The following F10 variants were observed in gnomAD, a reference collection of about 807,000 sequenced individuals.
The protein encoded by F10 is Stuart-Prower factor.
F10 carries 29 observed loss-of-function variants against 37.1 expected under a neutral mutation model. The observed-to-expected ratio is 0.78, with a 90% CI of 0.58 to 1.07. The LOEUF (loss-of-function observed/expected upper bound fraction) is 1.07. F10 is among the 50% of genes least tolerant of loss of function. The pLI, the probability that F10 is intolerant of heterozygous loss-of-function variation, is 0.00. For missense variants in F10, 539 were observed against 667.9 expected (o/e 0.81, Z 2.13); for synonymous variants, 262 against 268.6 (o/e 0.98, Z 0.24).
chr13:113,144,173 A>C lies in F10; in HGVS notation c.747+78A>C. Reference sequence around the variant, plus strand: ...TGCACCTCGGGGAGGCCAGCCTGACACTTGGAATAGCAATCCGGGAAGGAA... The same window carrying C: ...TGCACCTCGGGGAGGCCAGCCTGACCCTTGGAATAGCAATCCGGGAAGGAA... On this transcript the variant is annotated intron_variant, in intron 6 of 7. Transcript: ENST00000375559. This position sits in a 1 kb window ranked among gnomAD's most constrained non-coding sequence, Gnocchi z 6.4. 6.3e-7 allele frequency: 1 copy of C among 1,599,750 alleles called. No homozygotes were observed.
intron 2 of F10, among the ~76,000 whole-genome samples, chr13:113,136,435 T>A (rs973037522): frequency 2.0e-5 from 3 of 151,348 alleles, no homozygotes; most frequent in Non-Finnish European, 4.4e-5. Context: ...TAAATGTCTA[T>A]AGCAACTCTA....
chr13:113,144,571 G>A lies in F10; in HGVS notation c.747+476G>A, dbSNP rs563198814. 2.0e-4 allele frequency among the ~76,000 whole-genome samples: 30 copies of A among 152,344 alleles called. 1 individual carries two copies. The highest frequency in any genetic ancestry group is 1.4e-3 in the South Asian group (7 of 4,828). On this transcript the variant is annotated intron_variant, in intron 6 of 7. Coordinates refer to ENST00000375559, the MANE Select transcript of F10 (RefSeq NM_000504.4). This position sits in a 1 kb window ranked among gnomAD's most constrained non-coding sequence, Gnocchi z 6.4. ...GCCTCCATCTGCTCTTCTGTTTGAC[G>A]GGAGGCAGAAAGAGTTGGTGTCCTC...
In F10 at chr13:113,144,306, T is replaced by G; in HGVS notation, c.747+211T>G. ...AGCTCCACAGGGAAGTGGCCGGGGC[T>G]GAGGGAGAGGCTGGGCCCAGGCAAC... On this transcript the variant is annotated intron_variant, in intron 6 of 7. Coordinates refer to ENST00000375559, the MANE Select transcript of F10 (RefSeq NM_000504.4). This position sits in a 1 kb window ranked among gnomAD's most constrained non-coding sequence, Gnocchi z 6.4. The G allele has an allele frequency of 1.4e-6, 1 of 702,648 alleles. No individual in the cohort carries two copies. The highest frequency in any genetic ancestry group is 2.4e-6 in the Non-Finnish European group (1 of 424,640). The allele number at this position is 702,648 out of a possible 1,614,324, so 43.5% of individuals were successfully genotyped here.
At chr13:113,126,995 G>A (rs946938976) in intron 1 of F10, among the ~76,000 whole-genome samples, 2 of 152,208 alleles carry the variant, frequency 1.3e-5, no homozygotes, top group Non-Finnish European at 2.9e-5. Context: ...ATGGGGCAGG[G>A]TCAAGAAATA....
Position 113,143,159 on chromosome 13 carries a change from T to TC in F10, c.503-686dup, listed in dbSNP as rs557789374. Among the ~76,000 whole-genome samples, 21 of 140,520 alleles carry TC rather than the reference T, an allele frequency of 1.5e-4. 1 individual carries two copies. In the East Asian group the frequency reaches 4.0e-3, roughly 27 times the overall value. 92.2% of individuals were successfully genotyped at this position (140,520 alleles called of 152,430 possible). On this transcript the variant is annotated intron_variant, in intron 5 of 7. Coordinates refer to ENST00000375559, the MANE Select transcript of F10 (RefSeq NM_000504.4). This position sits in a 1 kb window ranked among gnomAD's most constrained non-coding sequence, Gnocchi z 6.8. The stretch of plus-strand genomic sequence containing the variant: ...CACAGAGAAGCCCCTTGCCATCCAT[T>TC]CCCCCCTCCTCTCCTCTCCTGCTCC...
intron 2 of F10, among the ~76,000 whole-genome samples, chr13:113,134,328 C>T (rs1413745784): frequency 1.3e-5 from 2 of 152,294 alleles, no homozygotes; most frequent in East Asian, 3.9e-4. Context: ...CTACCCGAGA[C>T]TGGGTAATTT....
intron 2 of F10, chr13:113,130,047 A>G (rs2036415701): frequency 1.3e-5 from 4 of 315,130 alleles, no homozygotes; most frequent in Non-Finnish European, 2.5e-5. Context: ...CTAGAGCGCC[A>G]GCGCGCAGGC....
intron 2 of F10, among the ~76,000 whole-genome samples, chr13:113,137,076 C>T (rs1340212027): frequency 2.6e-5 from 4 of 152,218 alleles, no homozygotes; most frequent in Non-Finnish European, 4.4e-5. Context: ...TGAGGCACCA[C>T]GCCTGGCCAG....
intron 5 of F10, among the ~76,000 whole-genome samples, chr13:113,142,280 G>A (rs1028632550): frequency 1.3e-5 from 2 of 152,142 alleles, no homozygotes; most frequent in Non-Finnish European, 2.9e-5. Context: ...AGTAGCTCAT[G>A]CCTGTAATCC....
chr13:113,127,608 C>T (rs941836366), intron 1 of F10, among the ~76,000 whole-genome samples: 2 of 152,216 alleles, frequency 1.3e-5, no homozygotes, highest in Non-Finnish European at 2.9e-5. Context: ...TTTTAACCAG[C>T]AGATCAAGAC....
At chr13:113,125,664 T>C (rs915238263) in intron 1 of F10, among the ~76,000 whole-genome samples, 1 of 152,280 alleles carries the variant, frequency 6.6e-6, no homozygotes, top group African/African-American at 2.4e-5. Context: ...TCAGTCTGAC[T>C]GAAGCGTTGA....
At chr13:113,129,310 A>G (rs1335697343) in intron 1 of F10, 142 bp from the exon 2 acceptor site, 10 of 1,073,750 alleles carry the variant, frequency 9.3e-6, no homozygotes, top group Middle Eastern at 2.9e-4. Flanking sequence ...GGGGCTTAGA[A>G]TTTTATTTTT....
At chr13:113,125,446 C>T (rs1221755314) in intron 1 of F10, among the ~76,000 whole-genome samples, 1 of 152,222 alleles carries the variant, frequency 6.6e-6, no homozygotes, top group East Asian at 1.9e-4. Context: ...CAACTGTGTG[C>T]TCGAGGATTG....
Position 113,136,752 on chromosome 13 carries a change from G to A in F10, c.232-1705G>A, listed in dbSNP as rs1271025087. ...TGCAAGCTCCGCCTCCCGGGTTCAC[G>A]CCATTCTCCTGCCTCAGCCTCCCAA... is the stretch of plus-strand genomic sequence containing the variant. On this transcript the variant is annotated intron_variant, in intron 2 of 7. Coordinates refer to ENST00000375559, the MANE Select transcript of F10 (RefSeq NM_000504.4). Among the ~76,000 whole-genome samples, 6 of 23,446 alleles carry A rather than the reference G, an allele frequency of 2.6e-4. 3 individuals are homozygous for A. The highest frequency in any genetic ancestry group is 5.7e-4 in the African/African-American group (6 of 10,448). The allele number at this position is 23,446 out of a possible 152,430, so 15.4% of individuals were successfully genotyped here.
intron 2 of F10, among the ~76,000 whole-genome samples, chr13:113,133,347 G>C (rs1056649307): frequency 6.6e-6 from 1 of 152,112 alleles, no homozygotes; most frequent in Admixed American, 6.5e-5. Flanking sequence ...ACCTATGTTG[G>C]AAATGGAAGA....
At chr13:113,127,436 A>G (rs2036380756) in intron 1 of F10, among the ~76,000 whole-genome samples, 1 of 152,230 alleles carries the variant, frequency 6.6e-6, no homozygotes, top group Admixed American at 6.5e-5. Context: ...AAAAAAGCAC[A>G]GAAAAAGACT....
At chr13:113,129,201 T>G (rs1192032251) in intron 1 of F10, among the ~76,000 whole-genome samples, 1 of 152,190 alleles carries the variant, frequency 6.6e-6, no homozygotes, top group African/African-American at 2.4e-5. Flanking sequence ...GAAGAAATAA[T>G]GAGGCGTGTG....
intron 1 of F10, among the ~76,000 whole-genome samples, chr13:113,123,133 C>T (rs963871936): frequency 1.3e-5 from 2 of 152,124 alleles, no homozygotes; most frequent in Non-Finnish European, 2.9e-5. Flanking sequence ...GTCAGACGGG[C>T]GGATCAGAGG....
At position 113,143,315 on chromosome 13, in the gene F10, G is replaced by A. The variant is rs113837725; in HGVS notation, c.503-536G>A. Among the ~76,000 whole-genome samples the A allele has an allele frequency of 2.6e-5, 4 of 152,148 alleles. No individual in the cohort carries two copies. The highest frequency in any genetic ancestry group is 4.4e-5 in the Non-Finnish European group (3 of 68,020). On this transcript the variant is annotated intron_variant, in intron 5 of 7. Transcript: ENST00000375559. This position sits in a 1 kb window ranked among gnomAD's most constrained non-coding sequence, Gnocchi z 6.8. ...CTCTGGGAGCTGTGCTATTCCAGAC[G>A]CTCTCCTGTGCCTCCAGTTGTTTGC...
Sources: gnomAD v4.1 joint callset for allele counts (sites outside exome capture counted in the v4.1 genomes callset) on GRCh38, gnomAD v4.1.1 for gene constraint, Gnocchi (gnomAD v3.1) non-coding constraint, MANE v1.5 for transcripts, NCBI Gene and HGNC (gene_info 2026-07-23, HGNC 2026-07-21) for gene names.